Variants in NAIP observed in about 807,000 individuals in gnomAD.
NAIP encodes the protein baculoviral IAP repeat-containing protein 1.
In NAIP, 15 loss-of-function variants were observed where a neutral mutation model predicts 23.0. That is an observed-to-expected ratio of 0.65 (90% CI 0.44 to 1.00). The LOEUF (loss-of-function observed/expected upper bound fraction) is 1.00. NAIP is among the 50% of genes least tolerant of loss of function. The pLI is 0.00. For synonymous variants in NAIP, 100 were observed against 100.2 expected, an observed-to-expected ratio of 1.00 and a Z score of 0.01; for missense variants, 265 against 278.8, an observed-to-expected ratio of 0.95 and a Z score of 0.35.
chr5:70,971,573 T>TAAAAAACAA (rs1750163785), intron 16 of NAIP: 1 of 212,646 alleles, frequency 4.7e-6, no homozygotes, highest in African/African-American at 2.5e-5. Context: ...AGACTCCGTC[T>TAAAAAACAA]AAAAAACAAA....
chr5:71,014,827 T>G (rs947718498), intron 3 of NAIP, among the ~76,000 whole-genome samples: 2 of 151,400 alleles, frequency 1.3e-5, no homozygotes, highest in Non-Finnish European at 3.0e-5. Flanking sequence ...CAGTTGAACC[T>G]GGGAGGCAGA....
intron 5 of NAIP, among the ~76,000 whole-genome samples, chr5:71,009,013 G>A (rs1255448877): frequency 1.4e-5 from 2 of 138,744 alleles, no homozygotes; most frequent in African/African-American, 5.4e-5. Context: ...AGAAAAAAGA[G>A]ATGGATAAAG....
Position 71,012,734 on chromosome 5 carries a change from G to A in NAIP, c.182C>T (p.Ala61Val). 2 of 1,611,684 alleles carry A rather than the reference G, an allele frequency of 1.2e-6. 1 individual carries two copies. Among genetic ancestry groups the A allele is most frequent in the South Asian group, 2.2e-5 (2 of 90,940 alleles). ...AGTCACAAAAGTCTTTAACCTTTTT[G>A]CTTCACTGCGCATTTGAGAGTTGTA... ...KGYNSQMRSE[A>V]KRLKTFVTYE... Residue 61 changes from alanine (A) to valine (V), a missense_variant, in exon 4 of 17, where the codon GCA becomes GTA. Coordinates refer to ENST00000517649, the MANE Select transcript of NAIP (RefSeq NM_004536.3).
intron 3 of NAIP, among the ~76,000 whole-genome samples, chr5:71,015,359 A>G (rs1277950229): frequency 6.7e-6 from 1 of 149,214 alleles, no homozygotes; most frequent in Non-Finnish European, 1.5e-5. Context: ...CATTTCATGA[A>G]ATCTCTTTCC....
Position 71,017,491 on chromosome 5 carries a change from C to T in NAIP, c.-4+3168G>A, listed in dbSNP as rs1467117512. On this transcript the variant is annotated intron_variant, in intron 3 of 16. Transcript: ENST00000517649. ...GTGGCTCACACCTGTAATCCCAGCACTTTGGGAGGCTAAGGTGGGAGGATT... is the reference window on the plus strand; with the variant it reads ...GTGGCTCACACCTGTAATCCCAGCATTTTGGGAGGCTAAGGTGGGAGGATT... Among the ~76,000 whole-genome samples the T allele has an allele frequency of 1.7e-5, 2 of 118,144 alleles. 1 individual carries two copies. The allele number at this position is 118,144 out of a possible 152,430, so 77.5% of individuals were successfully genotyped here.
At chr5:70,978,158 T>A (rs1396330909) in intron 13 of NAIP, among the ~76,000 whole-genome samples, 265 of 118,716 alleles carry the variant, frequency 2.2e-3, no homozygotes, top group African/African-American at 8.0e-3. Context: ...TATTTTTTTT[T>A]TTTTTTTTTT....
At position 71,012,861 on chromosome 5, in the gene NAIP, A is replaced by T; in HGVS notation, c.55T>A (p.Leu19Met). 1 of 1,609,332 alleles carries T rather than the reference A, an allele frequency of 6.2e-7. No homozygotes were observed. The highest frequency in any genetic ancestry group is 1.3e-5 in the African/African-American group (1 of 74,682). Residue 19 changes from leucine to methionine, a missense_variant, in exon 4 of 17, where the codon TTG becomes ATG. Transcript: ENST00000517649. ...DERISQFDHN[L>M]LPELSALLGL... ...AGAAGAGCAGACAGCTCTGGCAGCAAATTGTGATCAAACTGGGAGATCCTC... is the reference window on the plus strand; with the variant it reads ...AGAAGAGCAGACAGCTCTGGCAGCATATTGTGATCAAACTGGGAGATCCTC...
intron 3 of NAIP, among the ~76,000 whole-genome samples, chr5:71,013,136 G>A (rs1438368318): frequency 6.6e-6 from 1 of 151,466 alleles, no homozygotes; most frequent in African/African-American, 2.4e-5. Context: ...GCTAGACATT[G>A]GGGATCTAGC....
chr5:71,011,635 A>C (rs1751164956), intron 4 of NAIP: 1 of 532,728 alleles, frequency 1.9e-6, no homozygotes, highest in Middle Eastern at 2.8e-4. Context: ...TTGCTCTTTG[A>C]GTTCTCAGGG....
chr5:71,009,991 C>T (rs932977050), intron 5 of NAIP, among the ~76,000 whole-genome samples: 3 of 151,626 alleles, frequency 2.0e-5, no homozygotes, highest in Admixed American at 6.6e-5. Flanking sequence ...TTTAAAAATA[C>T]AGTGTTTTCA....
chr5:71,013,607 TC>T, intron 3 of NAIP, among the ~76,000 whole-genome samples: 1 of 139,220 alleles, frequency 7.2e-6, no homozygotes, highest in Admixed American at 7.6e-5. Flanking sequence ...GCCACGGTAC[TC>T]CAGCCTGGGT....
chr5:71,013,004 A>C, intron 3 of NAIP, 86 bp from the exon 4 acceptor site: 1 of 1,153,258 alleles, frequency 8.7e-7, no homozygotes, highest in Non-Finnish European at 1.2e-6. Flanking sequence ...AGAAACCAGG[A>C]ATTAAAGGAA....
At chr5:71,011,214 C>T in intron 5 of NAIP, 61 bp downstream of exon 5, 1 of 1,298,724 alleles carries the variant, frequency 7.7e-7, no homozygotes. Flanking sequence ...GCCTGGGTGG[C>T]AGAGCAAGAC....
Position 71,012,855 on chromosome 5 carries a change from G to T in NAIP, c.61C>A (p.Pro21Thr). 1.2e-6 allele frequency: 2 copies of T among 1,609,652 alleles called. No individual in the cohort carries two copies. The highest frequency in any genetic ancestry group is 1.7e-6 in the Non-Finnish European group (2 of 1,177,746). ...AGGCCCAGAAGAGCAGACAGCTCTGGCAGCAAATTGTGATCAAACTGGGAG... is the reference window on the plus strand; with the variant it reads ...AGGCCCAGAAGAGCAGACAGCTCTGTCAGCAAATTGTGATCAAACTGGGAG... Reference protein sequence around the residue: ...RISQFDHNLLPELSALLGLDA... With the variant: ...RISQFDHNLLTELSALLGLDA... Residue 21 changes from proline to threonine, a missense_variant, in exon 4 of 17, where the codon CCA (proline) becomes ACA (threonine). Coordinates refer to ENST00000517649, the MANE Select transcript of NAIP (RefSeq NM_004536.3).
At chr5:70,997,424 ACT>A (rs1199102868) in intron 9 of NAIP, among the ~76,000 whole-genome samples, 4 of 19,684 alleles carry the variant, frequency 2.0e-4, no homozygotes, top group African/African-American at 7.8e-4. Flanking sequence ...ACAGAGTGAG[ACT>A]CTGTGTGAGA....
chr5:71,011,256 G>A lies in NAIP; in HGVS notation c.668+19C>T, dbSNP rs768820470. The A allele has an allele frequency of 6.5e-7, 1 of 1,549,780 alleles. No individual in the cohort carries two copies. Among genetic ancestry groups the A allele is most frequent in the Non-Finnish European group, 8.8e-7 (1 of 1,139,404 alleles). ...AAAAAAAAAAGAAAGAAACATTTAA[G>A]CAAAAATTATCTACTTACTTGGGGA... On this transcript the variant is annotated intron_variant, in intron 5 of 16. Coordinates refer to ENST00000517649, the MANE Select transcript of NAIP (RefSeq NM_004536.3).
chr5:71,015,094 T>C (rs1408734130), intron 3 of NAIP, among the ~76,000 whole-genome samples: 2 of 151,546 alleles, frequency 1.3e-5, no homozygotes, highest in Non-Finnish European at 3.0e-5. Context: ...AGAAAGTAAG[T>C]GGCCAAGTGT....
chr5:71,008,816 AAAAG>A (rs1292300454), intron 5 of NAIP, among the ~76,000 whole-genome samples: 55 of 125,516 alleles, frequency 4.4e-4, no homozygotes, highest in Middle Eastern at 3.8e-3. Flanking sequence ...AAAAAAAAAA[AAAAG>A]AAAGAAAGAA....
At chr5:71,014,103 C>CT (rs879631494) in intron 3 of NAIP, among the ~76,000 whole-genome samples, 1,972 of 139,740 alleles carry the variant, frequency 0.014, 48 homozygotes, top group African/African-American at 0.044. Flanking sequence ...GTAATTCCTC[C>CT]TTTTTTTTTT....
Sources: allele counts gnomAD v4.1 joint callset (sites outside exome capture counted in the v4.1 genomes callset), GRCh38; gene constraint gnomAD v4.1.1; transcripts MANE v1.5; gene names NCBI Gene and HGNC (gene_info 2026-07-23, HGNC 2026-07-21).